CREB5: variants seen among roughly 807,000 people sequenced by gnomAD.
The protein encoded by CREB5 is cAMP responsive element binding protein 5.
Under a neutral mutation model 57.1 loss-of-function variants are expected in CREB5, and 19 were observed. That is an observed-to-expected ratio of 0.33 (90% CI 0.23 to 0.49). CREB5 has a LOEUF of 0.49. Among genes scored for constraint, CREB5 ranks in the 20% least tolerant of loss-of-function variants. The probability of loss-of-function intolerance (pLI) is 0.99; values close to 1 mark genes in which losing one functional copy is unlikely to be tolerated. For missense variants in CREB5, 579 were observed against 671.6 expected (o/e 0.86, Z 1.52); for synonymous variants, 238 against 238.3 (o/e 1.00, Z 0.01).
At chr7:28,722,701 G>A (rs149481388) in intron 6 of CREB5, among the ~76,000 whole-genome samples, 1 of 152,162 alleles carries the variant, frequency 6.6e-6, no homozygotes, top group South Asian at 2.1e-4. Context: ...GTACGGAAGT[G>A]CTTGGAAATG....
chr7:28,354,427 G>A (rs559342891), intron 1 of CREB5, among the ~76,000 whole-genome samples: 5 of 152,100 alleles, frequency 3.3e-5, no homozygotes, highest in Non-Finnish European at 7.4e-5. Context: ...TCCTGCTCTC[G>A]AATATCAGAC....
intron 5 of CREB5, among the ~76,000 whole-genome samples, chr7:28,590,288 A>T (rs1243214352): frequency 1.3e-5 from 2 of 152,090 alleles, no homozygotes; most frequent in African/African-American, 4.8e-5. Flanking sequence ...CAAATGTCCA[A>T]CAATCATAGA....
intron 5 of CREB5, among the ~76,000 whole-genome samples, chr7:28,709,882 A>C (rs1241894921): frequency 5.3e-5 from 8 of 152,212 alleles, no homozygotes; most frequent in African/African-American, 1.9e-4. Flanking sequence ...TGCGAAGCAG[A>C]AATGAGATGT....
intron 1 of CREB5, among the ~76,000 whole-genome samples, chr7:28,370,490 A>G (rs1357001397): frequency 1.3e-5 from 2 of 152,234 alleles, no homozygotes; most frequent in African/African-American, 2.4e-5. Flanking sequence ...AAGTAAATGC[A>G]TTAAGATATT....
chr7:28,328,671 G>A (rs202172139), intron 1 of CREB5, among the ~76,000 whole-genome samples: 14 of 152,238 alleles, frequency 9.2e-5, no homozygotes, highest in Middle Eastern at 3.4e-3. Context: ...GCCATATACC[G>A]TCATTAGGCA....
intron 1 of CREB5, among the ~76,000 whole-genome samples, chr7:28,313,953 A>G (rs117416223): frequency 0.011 from 1,730 of 152,360 alleles, 15 homozygotes; most frequent in Middle Eastern, 0.02. Flanking sequence ...AGGTAAGCAT[A>G]AAACATTGAC....
intron 7 of CREB5, among the ~76,000 whole-genome samples, chr7:28,785,525 T>C (rs1807270745): frequency 6.6e-6 from 1 of 152,238 alleles, no homozygotes; most frequent in African/African-American, 2.4e-5. Context: ...TTTTTGTTTT[T>C]TCCAGGAAAA....
Position 28,819,216 on chromosome 7 carries a change from G to A in CREB5, c.1464G>A (p.Val488=). 3 of 1,613,868 alleles carry A rather than the reference G, an allele frequency of 1.9e-6. No homozygotes were observed. The highest frequency in any genetic ancestry group is 2.5e-6 in the Non-Finnish European group (3 of 1,179,892). ...TITTSSSVSE[V]VGSSTLSQLT... ...CTACTTCCTCATCGGTCAGCGAGGT[G>A]GTAGGAAGCTCCACCCTCAGCCAGC... The change falls in exon 11 of 11, where the codon GTG becomes GTA. Residue 488 remains valine (V), a synonymous_variant. Coordinates refer to ENST00000357727, the MANE Select transcript of CREB5 (RefSeq NM_182898.4).
At chr7:28,716,471 C>T (rs1802692335) in intron 5 of CREB5, among the ~76,000 whole-genome samples, 1 of 152,120 alleles carries the variant, frequency 6.6e-6, no homozygotes, top group African/African-American at 2.4e-5. Context: ...GTGTGTATAG[C>T]TGTATTGTGT....
At chr7:28,382,647 T>C (rs1786988381) in intron 1 of CREB5, among the ~76,000 whole-genome samples, 1 of 152,088 alleles carries the variant, frequency 6.6e-6, no homozygotes, top group Non-Finnish European at 1.5e-5. Context: ...TTCCCTCACC[T>C]GAAGTATCGA....
intron 7 of CREB5, among the ~76,000 whole-genome samples, chr7:28,743,266 C>G (rs1804482663): frequency 6.6e-6 from 1 of 152,202 alleles, no homozygotes; most frequent in African/African-American, 2.4e-5. Flanking sequence ...ACTGCAGTGG[C>G]TCACGCCTGT....
At chr7:28,643,129 T>C (rs1369122049) in intron 5 of CREB5, among the ~76,000 whole-genome samples, 1 of 152,124 alleles carries the variant, frequency 6.6e-6, no homozygotes, top group Non-Finnish European at 1.5e-5. Flanking sequence ...GGGTTTGCAG[T>C]GGCACCTGCA....
At chr7:28,665,702 G>T (rs77726405) in intron 5 of CREB5, among the ~76,000 whole-genome samples, 2,118 of 152,278 alleles carry the variant, frequency 0.014, 46 homozygotes, top group African/African-American at 0.041. Context: ...TAGTGGTTGA[G>T]AGAATAGAAG....
chr7:28,346,578 G>A (rs1204715602), intron 1 of CREB5, among the ~76,000 whole-genome samples: 20 of 152,242 alleles, frequency 1.3e-4, no homozygotes, highest in Admixed American at 1.3e-3. Context: ...CAACTCCATG[G>A]GGAAACTTGA....
At chr7:28,353,507 A>G (rs897377903) in intron 1 of CREB5, among the ~76,000 whole-genome samples, 4 of 152,132 alleles carry the variant, frequency 2.6e-5, no homozygotes, top group African/African-American at 7.2e-5. Context: ...ATGTGCATAC[A>G]TATAAGATAA....
intron 3 of CREB5, among the ~76,000 whole-genome samples, chr7:28,498,691 A>G (rs1427229071): frequency 1.3e-5 from 2 of 152,198 alleles, no homozygotes; most frequent in Non-Finnish European, 2.9e-5. Context: ...GACAGTAAAC[A>G]TAGACCCCTT....
chr7:28,344,777 C>T (rs1430182098), intron 1 of CREB5, among the ~76,000 whole-genome samples: 1 of 151,494 alleles, frequency 6.6e-6, no homozygotes, highest in Admixed American at 6.6e-5. Context: ...CCTTCTTTAG[C>T]CTTAAGAACA....
chr7:28,410,601 C>T (rs551696928), upstream of CREB5: 2 of 453,436 alleles, frequency 4.4e-6, no homozygotes, highest in East Asian at 1.4e-4. Flanking sequence ...TTCCCTGGAC[C>T]GGTGCCGCCC....
chr7:28,537,944 C>A (rs1268859624), intron 4 of CREB5, among the ~76,000 whole-genome samples: 1 of 152,138 alleles, frequency 6.6e-6, no homozygotes, highest in Non-Finnish European at 1.5e-5. Context: ...CGAATGTGAC[C>A]AAGTTCAAGG....
Sources: allele counts gnomAD v4.1 joint callset (sites outside exome capture counted in the v4.1 genomes callset), GRCh38; gene constraint gnomAD v4.1.1; transcripts MANE v1.5; gene names NCBI Gene and HGNC (gene_info 2026-07-23, HGNC 2026-07-21).